MAPK10: variants seen among roughly 807,000 people sequenced by gnomAD.
MAPK10 encodes the protein JNK3 alpha protein kinase.
Under a neutral mutation model 59.3 loss-of-function variants are expected in MAPK10, and 25 were observed. The observed-to-expected ratio is 0.42, with a 90% CI of 0.31 to 0.59. MAPK10 has a LOEUF of 0.59. Ranked by LOEUF, MAPK10 falls within the 20% of genes least tolerant of loss-of-function variation. The pLI is 0.15. For missense variants in MAPK10, 351 were observed against 568.9 expected (o/e 0.62, Z 3.90); for synonymous variants, 190 against 200.5 (o/e 0.95, Z 0.44).
chr4:86,150,574 C>A (rs2066158048), intron 4 of MAPK10, among the ~76,000 whole-genome samples: 1 of 152,172 alleles, frequency 6.6e-6, no homozygotes, highest in African/African-American at 2.4e-5. Flanking sequence ...AGAATTGGAA[C>A]TGCTTGGCCA....
intron 2 of MAPK10, among the ~76,000 whole-genome samples, chr4:86,213,283 A>G (rs938412833): frequency 6.6e-6 from 1 of 152,118 alleles, no homozygotes; most frequent in Non-Finnish European, 1.5e-5. Context: ...TAACTTTGCA[A>G]CTTAAGGAAT....
intron 1 of MAPK10, among the ~76,000 whole-genome samples, chr4:86,434,884 G>T (rs181107515): frequency 6.6e-6 from 1 of 152,286 alleles, no homozygotes; most frequent in Non-Finnish European, 1.5e-5. Context: ...CCAAACATGG[G>T]ATCAACCTGT....
At chr4:86,247,047 G>C (rs1328949059) in intron 2 of MAPK10, among the ~76,000 whole-genome samples, 1 of 152,172 alleles carries the variant, frequency 6.6e-6, no homozygotes, top group Admixed American at 6.5e-5. Context: ...GAGAGAATAA[G>C]GATGCATGTT....
intron 2 of MAPK10, among the ~76,000 whole-genome samples, chr4:86,237,851 A>G (rs1400912101): frequency 1.3e-5 from 2 of 152,160 alleles, no homozygotes; most frequent in Admixed American, 6.6e-5. Flanking sequence ...TAGTTCAACT[A>G]GATCTCATTT....
Position 86,301,621 on chromosome 4 carries a change from G to GGACTCACTGAGTTTC in MAPK10, c.-7+52894_-7+52908dup, listed in dbSNP as rs1371940928. On this transcript the variant is annotated intron_variant, in intron 2 of 13. Coordinates refer to ENST00000641462, the MANE Select transcript of MAPK10 (RefSeq NM_138982.4). ...TTAAATACCAGAAACTCCTTGCCAG[G>GGACTCACTGAGTTTC]GACTCACTGAGTTTCATTTAATTCA... 1.3e-5 allele frequency among the ~76,000 whole-genome samples: 2 copies of GGACTCACTGAGTTTC among 151,994 alleles called. 1 individual carries two copies. Among genetic ancestry groups the GGACTCACTGAGTTTC allele is most frequent in the African/African-American group, 4.8e-5 (2 of 41,366 alleles).
intron 2 of MAPK10, among the ~76,000 whole-genome samples, chr4:86,200,117 T>A (rs1323031102): frequency 6.6e-6 from 1 of 152,044 alleles, no homozygotes; most frequent in Admixed American, 6.6e-5. Flanking sequence ...GTCCAGGGAT[T>A]TTATGTATAA....
intron 1 of MAPK10, among the ~76,000 whole-genome samples, chr4:86,584,223 TAGGC>T: frequency 6.6e-6 from 1 of 152,158 alleles, no homozygotes; most frequent in East Asian, 1.9e-4. Flanking sequence ...AGCTCTTTGG[TAGGC>T]AGTTTGGGAA....
intron 1 of MAPK10, among the ~76,000 whole-genome samples, chr4:86,428,985 T>TAAA (rs1747673420): frequency 6.6e-6 from 1 of 152,252 alleles, no homozygotes; most frequent in African/African-American, 2.4e-5. Flanking sequence ...GGGGTTTTTC[T>TAAA]GTTTTTGTTT....
intron 1 of MAPK10, chr4:86,357,841 A>AT (rs2148977237): frequency 6.5e-6 from 1 of 153,138 alleles, no homozygotes; most frequent in East Asian, 1.9e-4. Context: ...AACTGTGAGG[A>AT]TTTTTTAAGA....
At chr4:86,295,748 A>G (rs2095344398) in intron 2 of MAPK10, among the ~76,000 whole-genome samples, 1 of 141,174 alleles carries the variant, frequency 7.1e-6, no homozygotes, top group South Asian at 2.1e-4. Context: ...AAATTTATAT[A>G]TATTTTATAT....
intron 1 of MAPK10, among the ~76,000 whole-genome samples, chr4:86,396,674 GC>G (rs1187537656): frequency 6.6e-6 from 1 of 152,188 alleles, no homozygotes; most frequent in Non-Finnish European, 1.5e-5. Flanking sequence ...CTGGGAAGGA[GC>G]TTTTATTCAT....
At chr4:86,545,049 CTACTACAAAATATTAA>C (rs1369195353) in intron 1 of MAPK10, among the ~76,000 whole-genome samples, 1 of 151,930 alleles carries the variant, frequency 6.6e-6, no homozygotes, top group African/African-American at 2.4e-5. Context: ...TTGTTTTTTC[CTACTACAAAATATTAA>C]GATATTGGAT....
chr4:86,541,862 A>G (rs1022262601), intron 1 of MAPK10, among the ~76,000 whole-genome samples: 1 of 151,442 alleles, frequency 6.6e-6, no homozygotes, highest in Non-Finnish European at 1.5e-5. Context: ...TAACTGGGTC[A>G]GTTTCTGTTA....
At chr4:86,269,751 A>G (rs968765164) in intron 2 of MAPK10, among the ~76,000 whole-genome samples, 1 of 152,166 alleles carries the variant, frequency 6.6e-6, no homozygotes, top group Non-Finnish European at 1.5e-5. Flanking sequence ...CACAGATTAT[A>G]AGAAAGCAAT....
chr4:86,502,588 T>C (rs760621175), intron 1 of MAPK10, among the ~76,000 whole-genome samples: 13 of 152,068 alleles, frequency 8.5e-5, no homozygotes, highest in Non-Finnish European at 1.6e-4. Flanking sequence ...ATCAAGGTGA[T>C]TGACCAAACA....
chr4:86,415,696 T>C (rs146578330), intron 1 of MAPK10, among the ~76,000 whole-genome samples: 1 of 152,314 alleles, frequency 6.6e-6, no homozygotes, highest in East Asian at 1.9e-4. Context: ...ATGGTGACCA[T>C]ATATTTTCTC....
At chr4:86,397,200 G>T in intron 1 of MAPK10, among the ~76,000 whole-genome samples, 1 of 152,156 alleles carries the variant, frequency 6.6e-6, no homozygotes, top group Non-Finnish European at 1.5e-5. Flanking sequence ...ATTCCTCAGT[G>T]AGAAGAAATT....
At chr4:86,075,488 A>G (rs1239807153) in intron 9 of MAPK10, among the ~76,000 whole-genome samples, 10 of 152,108 alleles carry the variant, frequency 6.6e-5, no homozygotes, top group Admixed American at 2.0e-4. Context: ...TAGAGTTTCC[A>G]GTTTTTCTGT....
chr4:86,523,394 A>G (rs994363763), intron 1 of MAPK10, among the ~76,000 whole-genome samples: 1 of 152,218 alleles, frequency 6.6e-6, no homozygotes, highest in East Asian at 1.9e-4. Context: ...GAGTGCTTTA[A>G]GCAGGAGCAA....
Sources: allele counts gnomAD v4.1 joint callset (sites outside exome capture counted in the v4.1 genomes callset), GRCh38; gene constraint gnomAD v4.1.1; transcripts MANE v1.5; gene names NCBI Gene and HGNC (gene_info 2026-07-23, HGNC 2026-07-21).